The following ANGPT1 variants were observed in gnomAD, a reference collection of about 807,000 sequenced individuals.
ANGPT1 encodes the protein angiopoietin 1.
In ANGPT1, 17 loss-of-function variants were observed where a neutral mutation model predicts 62.2. That is an observed-to-expected ratio of 0.27 (90% CI 0.19 to 0.41). The LOEUF (loss-of-function observed/expected upper bound fraction) is 0.41. ANGPT1 is among the 10% of genes least tolerant of loss of function. The pLI, the probability that ANGPT1 is intolerant of heterozygous loss-of-function variation, is 1.00. For synonymous variants in ANGPT1, 199 were observed against 198.9 expected (o/e 1.00, Z 0.00); for missense variants, 478 against 594.9 (o/e 0.80, Z 2.04).
At chr8:107,395,194 G>A (rs1283669) in intron 1 of ANGPT1, among the ~76,000 whole-genome samples, 72,397 of 151,866 alleles carry the variant, frequency 0.48, 19,053 homozygotes, top group Non-Finnish European at 0.59. Context: ...AACTCTTACC[G>A]AGAATGTAGT....
At chr8:107,407,152 C>T (rs1295402188) in intron 1 of ANGPT1, among the ~76,000 whole-genome samples, 2 of 152,134 alleles carry the variant, frequency 1.3e-5, no homozygotes, top group African/African-American at 2.4e-5. Context: ...ATATGGCCCT[C>T]AGTAGGCGGA....
rs545635495 is a variant in ANGPT1, at chr8:107,440,596, G to T, written c.297+56666C>A. Among the ~76,000 whole-genome samples the T allele has an allele frequency of 3.3e-5, 5 of 152,204 alleles. No homozygotes were observed. The East Asian group carries it at 9.6e-4, about 29-fold the overall frequency. On this transcript the variant is annotated intron_variant, in intron 1 of 8. Transcript: ENST00000517746. ...TCTTTTGTGACTATAATTTAGATTC[G>T]CACTTGTGCTAAATTAAAATATGCA...
intron 6 of ANGPT1, among the ~76,000 whole-genome samples, chr8:107,292,708 A>G (rs1178018061): frequency 1.3e-5 from 2 of 152,216 alleles, no homozygotes; most frequent in East Asian, 1.9e-4. Flanking sequence ...ATAAAAATGT[A>G]GATGCAGTGA....
intron 1 of ANGPT1, among the ~76,000 whole-genome samples, chr8:107,384,915 A>C (rs1045094710): frequency 1.3e-5 from 2 of 152,048 alleles, no homozygotes; most frequent in African/African-American, 4.8e-5. Flanking sequence ...GTTTTGTCAA[A>C]GATCAGATGG....
chr8:107,491,101 C>T (rs138575473), intron 1 of ANGPT1, among the ~76,000 whole-genome samples: 22 of 152,104 alleles, frequency 1.4e-4, no homozygotes, highest in African/African-American at 4.8e-4. Flanking sequence ...ATAGAGCCAA[C>T]TATGCTGTAA....
Position 107,341,785 on chromosome 8 carries a change from C to T in ANGPT1, c.453+5157G>A, listed in dbSNP as rs778648140. Among the ~76,000 whole-genome samples, 3 of 151,922 alleles carry T rather than the reference C, an allele frequency of 2.0e-5. No individual in the cohort carries two copies. In the South Asian group the frequency reaches 6.2e-4, roughly 32 times the overall value. On this transcript the variant is annotated intron_variant, in intron 2 of 8. Coordinates refer to ENST00000517746, the MANE Select transcript of ANGPT1 (RefSeq NM_001146.5). ...TAACTCTCCCAATACAGCTAATGCT[C>T]AGTAGAGTCAGAATGCAACCCAGAG...
intron 4 of ANGPT1, among the ~76,000 whole-genome samples, chr8:107,304,911 G>C (rs1361416890): frequency 9.9e-5 from 15 of 151,814 alleles, no homozygotes; most frequent in Admixed American, 9.9e-4. Flanking sequence ...AAGGGCTACA[G>C]ATTCATATGA....
intron 2 of ANGPT1, among the ~76,000 whole-genome samples, chr8:107,338,389 A>G (rs79045968): frequency 1.8e-3 from 268 of 152,326 alleles, no homozygotes; most frequent in African/African-American, 6.0e-3. Context: ...CTGCACATGT[A>G]TGATTTGGTC....
intron 1 of ANGPT1, among the ~76,000 whole-genome samples, chr8:107,364,386 G>A (rs914272471): frequency 5.3e-5 from 8 of 152,046 alleles, no homozygotes; most frequent in Admixed American, 1.3e-4. Flanking sequence ...GTTCAAGCAA[G>A]TCTCCTGCCT....
chr8:107,305,557 G>C (rs1185722771), intron 4 of ANGPT1, among the ~76,000 whole-genome samples: 2 of 151,900 alleles, frequency 1.3e-5, no homozygotes, highest in South Asian at 2.1e-4. Context: ...ACTTATTTTT[G>C]TGAAAACTAA....
chr8:107,317,284 T>C (rs948929353), intron 4 of ANGPT1, among the ~76,000 whole-genome samples: 1 of 152,200 alleles, frequency 6.6e-6, no homozygotes, highest in Admixed American at 6.5e-5. Context: ...TATAGAAACT[T>C]ACCAAATATT....
intron 1 of ANGPT1, among the ~76,000 whole-genome samples, chr8:107,397,700 A>T (rs982279511): frequency 1.4e-4 from 22 of 151,968 alleles, no homozygotes; most frequent in Admixed American, 5.3e-4. Flanking sequence ...CAGCAAGTCA[A>T]CTCTTCATAC....
At chr8:107,263,717 A>G (rs1335927116) in intron 8 of ANGPT1, among the ~76,000 whole-genome samples, 1 of 152,192 alleles carries the variant, frequency 6.6e-6, no homozygotes, top group Non-Finnish European at 1.5e-5. Context: ...TAGCTAAAAT[A>G]TCTTGCAATG....
chr8:107,345,301 AC>A (rs1478172776), intron 2 of ANGPT1, among the ~76,000 whole-genome samples: 1 of 152,132 alleles, frequency 6.6e-6, no homozygotes, highest in Admixed American at 6.6e-5. Flanking sequence ...AATTTTCTGT[AC>A]CATTTTCAAT....
At chr8:107,429,484 C>T (rs748884704) in intron 1 of ANGPT1, among the ~76,000 whole-genome samples, 6 of 152,034 alleles carry the variant, frequency 3.9e-5, no homozygotes, top group Non-Finnish European at 8.8e-5. Context: ...TGACACTGAG[C>T]GGGACACTCC....
chr8:107,338,603 T>A (rs1815626290), intron 2 of ANGPT1, among the ~76,000 whole-genome samples: 2 of 152,252 alleles, frequency 1.3e-5, no homozygotes, highest in South Asian at 2.1e-4. Flanking sequence ...TATTCATGTT[T>A]GTAAAGGGTT....
intron 1 of ANGPT1, among the ~76,000 whole-genome samples, chr8:107,473,350 G>A (rs982165370): frequency 1.8e-4 from 28 of 151,740 alleles, no homozygotes; most frequent in Admixed American, 1.3e-3. Context: ...AGCATGATCC[G>A]CTTGCTATAT....
intron 1 of ANGPT1, among the ~76,000 whole-genome samples, chr8:107,389,945 A>G (rs570258262): frequency 7.5e-6 from 1 of 133,544 alleles, no homozygotes; most frequent in Non-Finnish European, 1.6e-5. Flanking sequence ...TAAAAAAAAA[A>G]AAAAATCATG....
At chr8:107,469,386 G>A (rs1242368163) in intron 1 of ANGPT1, among the ~76,000 whole-genome samples, 1 of 151,942 alleles carries the variant, frequency 6.6e-6, no homozygotes, top group Non-Finnish European at 1.5e-5. Flanking sequence ...AATGATGTTT[G>A]TTTGTGCTCA....
Sources: gnomAD v4.1 joint callset for allele counts (sites outside exome capture counted in the v4.1 genomes callset) on GRCh38, gnomAD v4.1.1 for gene constraint, MANE v1.5 for transcripts, NCBI Gene and HGNC (gene_info 2026-07-23, HGNC 2026-07-21) for gene names.